The following MYO3B variants were observed in gnomAD, a reference collection of about 807,000 sequenced individuals.
The protein encoded by MYO3B is myosin-IIIb.
A neutral mutation model predicts 174.6 loss-of-function variants in MYO3B; 156 were observed. The observed-to-expected ratio is 0.89, with a 90% CI of 0.78 to 1.02. The LOEUF is 1.02. Among genes scored for constraint, MYO3B ranks in the 50% least tolerant of loss-of-function variants. The probability of loss-of-function intolerance (pLI) is 0.00; values close to 1 mark genes in which losing one functional copy is unlikely to be tolerated. For synonymous variants in MYO3B, 563 were observed against 569.1 expected, an observed-to-expected ratio of 0.99 and a Z score of 0.15; for missense variants, 1,632 against 1,639.4, an observed-to-expected ratio of 1.00 and a Z score of 0.08.
At chr2:170,487,453 C>A (rs1686140709) in intron 25 of MYO3B, among the ~76,000 whole-genome samples, 1 of 152,152 alleles carries the variant, frequency 6.6e-6, no homozygotes, top group Non-Finnish European at 1.5e-5. Flanking sequence ...ATCAGTAGAT[C>A]CTACGTCAAG....
At position 170,407,708 on chromosome 2, in the gene MYO3B, G is replaced by A. The variant is rs1433379417; in HGVS notation, c.2521-7G>A. ...GGCTAATTTGCCGTTTGCTATTCAT[G>A]TTACAGGTATTATATGATGCTTCTG... On this transcript the variant is annotated splice_region_variant and splice_polypyrimidine_tract_variant and intron_variant, in intron 21 of 34. Coordinates refer to ENST00000408978, the MANE Select transcript of MYO3B (RefSeq NM_138995.5). 7 of 1,613,622 alleles carry A rather than the reference G, an allele frequency of 4.3e-6. No homozygotes were observed. In the Admixed American group the frequency reaches 8.3e-5, roughly 19 times the overall value.
At chr2:170,648,697 ATATAT>A (rs1698585642) in intron 32 of MYO3B, among the ~76,000 whole-genome samples, 1 of 127,202 alleles carries the variant, frequency 7.9e-6, no homozygotes, top group African/African-American at 3.1e-5. Context: ...ATTCTATATA[ATATAT>A]ATTATATTCT....
rs375728954 is a variant in MYO3B at position 170,498,711 on chromosome 2, G to A, written c.3126+8G>A. The stretch of plus-strand genomic sequence containing the variant: ...GTACTGGGAAAAACAAAGGTAGTTC[G>A]TTCTTTATTGTTCAAATTGTCCCGT... On this transcript the variant is annotated splice_region_variant and intron_variant, in intron 26 of 34. Coordinates refer to ENST00000408978, the MANE Select transcript of MYO3B (RefSeq NM_138995.5). The A allele has an allele frequency of 8.7e-5, 131 of 1,508,922 alleles. No individual in the cohort carries two copies. In the African/African-American group the frequency reaches 1.3e-3, roughly 15 times the overall value. The allele number at this position is 1,508,922 out of a possible 1,614,324, so 93.5% of individuals were successfully genotyped here.
intron 32 of MYO3B, among the ~76,000 whole-genome samples, chr2:170,638,911 G>A (rs7599256): frequency 6.6e-6 from 1 of 151,854 alleles, no homozygotes; most frequent in African/African-American, 2.4e-5. Flanking sequence ...TATGTGTGCC[G>A]GGGTCTTCTG....
chr2:170,440,167 C>A (rs1011971433), intron 22 of MYO3B, among the ~76,000 whole-genome samples: 1 of 152,142 alleles, frequency 6.6e-6, no homozygotes, highest in Non-Finnish European at 1.5e-5. Flanking sequence ...TTTGATCATG[C>A]ATCTGTTGTG....
intron 32 of MYO3B, among the ~76,000 whole-genome samples, chr2:170,604,112 T>A (rs1046333609): frequency 6.6e-6 from 1 of 152,188 alleles, no homozygotes; most frequent in Admixed American, 6.5e-5. Context: ...GTTATTCCAA[T>A]GAAGACAAAA....
At chr2:170,263,449 C>T (rs2093359919) in intron 7 of MYO3B, among the ~76,000 whole-genome samples, 1 of 151,988 alleles carries the variant, frequency 6.6e-6, no homozygotes, top group South Asian at 2.1e-4. Flanking sequence ...CTCTGAATTC[C>T]CTCAGTATTT....
chr2:170,456,164 G>A (rs185877327), intron 23 of MYO3B, among the ~76,000 whole-genome samples: 1 of 151,940 alleles, frequency 6.6e-6, no homozygotes. Flanking sequence ...ATATTTTGGT[G>A]GGGGGGTGGG....
chr2:170,371,918 T>C (rs1157648353), intron 9 of MYO3B, among the ~76,000 whole-genome samples: 1 of 151,316 alleles, frequency 6.6e-6, no homozygotes, highest in Admixed American at 6.6e-5. Context: ...GGCTGGTCAC[T>C]ATAGCAAGAC....
At chr2:170,301,163 A>C (rs1418624936) in intron 7 of MYO3B, among the ~76,000 whole-genome samples, 2 of 152,190 alleles carry the variant, frequency 1.3e-5, no homozygotes, top group Non-Finnish European at 2.9e-5. Flanking sequence ...TGTGGTGAGC[A>C]CTCAGCTTGA....
At chr2:170,635,060 C>A (rs1401784508) in intron 32 of MYO3B, among the ~76,000 whole-genome samples, 3 of 152,214 alleles carry the variant, frequency 2.0e-5, no homozygotes, top group Non-Finnish European at 4.4e-5. Context: ...GTGGCGATTC[C>A]TCAAGGATCC....
Position 170,263,429 on chromosome 2 carries a change from C to G in MYO3B, c.749+27293C>G, listed in dbSNP as rs149785785. 2.3e-4 allele frequency among the ~76,000 whole-genome samples: 35 copies of G among 152,114 alleles called. No homozygotes were observed. The East Asian group carries it at 6.0e-3, about 26-fold the overall frequency. On this transcript the variant is annotated intron_variant, in intron 7 of 34. Transcript: ENST00000408978. ...AAAAGTGGGCCCAGGGGACCGGCAC[C>G]GGCACCAGTCTCTGAATTCCCTCAG...
intron 30 of MYO3B, among the ~76,000 whole-genome samples, chr2:170,533,272 G>GC (rs1320279605): frequency 3.3e-5 from 5 of 151,932 alleles, no homozygotes; most frequent in Admixed American, 2.0e-4. Flanking sequence ...CTCCTCTCAC[G>GC]CCCCCTCCCT....
chr2:170,537,826 G>A (rs2106190675), intron 30 of MYO3B, among the ~76,000 whole-genome samples: 1 of 152,056 alleles, frequency 6.6e-6, no homozygotes, highest in East Asian at 1.9e-4. Flanking sequence ...CTTTCTTTTG[G>A]GGCTACCAAA....
intron 32 of MYO3B, among the ~76,000 whole-genome samples, chr2:170,629,124 G>A (rs1255978048): frequency 1.3e-5 from 2 of 152,196 alleles, no homozygotes; most frequent in Non-Finnish European, 2.9e-5. Context: ...TTGGACCTCC[G>A]ATTAATACAC....
intron 22 of MYO3B, among the ~76,000 whole-genome samples, chr2:170,419,260 T>G (rs552118442): frequency 6.6e-6 from 1 of 152,320 alleles, no homozygotes; most frequent in African/African-American, 2.4e-5. Context: ...AGGAAACTCT[T>G]TATTTTATCT....
chr2:170,490,253 T>C (rs1013300604), intron 25 of MYO3B, among the ~76,000 whole-genome samples: 7 of 152,150 alleles, frequency 4.6e-5, no homozygotes, highest in South Asian at 2.1e-4. Flanking sequence ...TGGTCTCGAT[T>C]TCCTGACCTC....
chr2:170,621,383 AC>A (rs1695902081), intron 32 of MYO3B, among the ~76,000 whole-genome samples: 1 of 152,042 alleles, frequency 6.6e-6, no homozygotes, highest in African/African-American at 2.4e-5. Flanking sequence ...CTAATATAAC[AC>A]CTTTCTTCAG....
rs189574142 is a variant in MYO3B at position 170,321,194 on chromosome 2, C to T, written c.750-14191C>T. On this transcript the variant is annotated intron_variant, in intron 7 of 34. Transcript: ENST00000408978. ...AGAGGCAAATTCATAGCCCTGAATA[C>T]CTATATTAATGATCCAGAAAGAATG... Among the ~76,000 whole-genome samples, 15 of 152,180 alleles carry T rather than the reference C, an allele frequency of 9.9e-5. No individual in the cohort carries two copies. In the East Asian group the frequency reaches 2.5e-3, roughly 25 times the overall value.
Sources: allele counts gnomAD v4.1 joint callset (sites outside exome capture counted in the v4.1 genomes callset), GRCh38; gene constraint gnomAD v4.1.1; transcripts MANE v1.5; gene names NCBI Gene and HGNC (gene_info 2026-07-23, HGNC 2026-07-21).